Variants in ZNF385B observed in about 807,000 individuals in gnomAD.
The protein encoded by ZNF385B is zinc finger protein 385B.
ZNF385B carries 23 observed loss-of-function variants against 39.2 expected under a neutral mutation model. The observed-to-expected ratio is 0.59, with a 90% CI of 0.42 to 0.83. The LOEUF (loss-of-function observed/expected upper bound fraction) is 0.83, where lower values mean the gene tolerates loss of function less well. Among genes scored for constraint, ZNF385B ranks in the 40% least tolerant of loss-of-function variants. The pLI is 0.00. For missense variants in ZNF385B, 552 were observed against 598.9 expected, an observed-to-expected ratio of 0.92 and a Z score of 0.82; for synonymous variants, 205 against 222.6, an observed-to-expected ratio of 0.92 and a Z score of 0.70.
rs574428889 is a variant in ZNF385B at position 179,754,151 on chromosome 2, G to T, written c.298+15352C>A. 2.0e-5 allele frequency among the ~76,000 whole-genome samples: 3 copies of T among 152,260 alleles called. No individual in the cohort carries two copies. In the South Asian group the frequency reaches 6.2e-4, roughly 32 times the overall value. On this transcript the variant is annotated intron_variant, in intron 3 of 9. Coordinates refer to ENST00000410066, the MANE Select transcript of ZNF385B (RefSeq NM_152520.6). The stretch of plus-strand genomic sequence containing the variant: ...AGAGTTTTTAGCATGAAGGGCTGTC[G>T]AATTTTGTCAAAGGCCTTTTCTGCA...
rs1019988414 is a variant in ZNF385B, at chr2:179,556,127, A to G, written c.299-11158T>C. Among the ~76,000 whole-genome samples the G allele has an allele frequency of 2.7e-5, 4 of 148,444 alleles. 1 individual carries two copies. Among genetic ancestry groups the G allele is most frequent in the African/African-American group, 7.7e-5 (3 of 39,030 alleles). The stretch of plus-strand genomic sequence containing the variant: ...TTTTCAGATGCTGTGGCAATAGAAT[A>G]TGTACAGCCAAGTGGTGATTCATTT... On this transcript the variant is annotated intron_variant, in intron 3 of 9. Coordinates refer to ENST00000410066, the MANE Select transcript of ZNF385B (RefSeq NM_152520.6).
At chr2:179,611,234 A>C (rs1689262607) in intron 3 of ZNF385B, among the ~76,000 whole-genome samples, 1 of 152,066 alleles carries the variant, frequency 6.6e-6, no homozygotes, top group African/African-American at 2.4e-5. Context: ...CAGTTTTTTG[A>C]AGGTTTCTAT....
At chr2:179,808,310 G>A (rs980178670) in intron 1 of ZNF385B, among the ~76,000 whole-genome samples, 5 of 152,202 alleles carry the variant, frequency 3.3e-5, no homozygotes, top group African/African-American at 1.2e-4. Context: ...GGGATTACAG[G>A]CGTGAGCCAC....
intron 1 of ZNF385B, among the ~76,000 whole-genome samples, chr2:179,841,886 G>T (rs1196848071): frequency 6.6e-6 from 1 of 152,166 alleles, no homozygotes; most frequent in Non-Finnish European, 1.5e-5. Context: ...GGCAATGGAC[G>T]CCTGAGAGGA....
chr2:179,443,342 A>G lies in ZNF385B; in HGVS notation c.1369T>C (p.Phe457Leu). ...GCTGGAGGAATGGCTGGAGCCTGGA[A>G]GAGCGAGGCAGAGGGCCGGGGTGGG... ...SLPPRPSASLFQAPAIPPALL... is the reference protein window; with the variant it reads ...SLPPRPSASLLQAPAIPPALL... The change falls in exon 10 of 10, where the codon TTC (phenylalanine) becomes CTC (leucine). Residue 457 changes from phenylalanine to leucine, a missense_variant. Physicochemically the swap from Phe to Leu is conservative, Grantham distance 22. Transcript: ENST00000410066. 8 of 1,612,558 alleles carry G rather than the reference A, an allele frequency of 5.0e-6. No homozygotes were observed. Among genetic ancestry groups the G allele is most frequent in the Non-Finnish European group, 6.8e-6 (8 of 1,179,504 alleles).
At chr2:179,567,870 A>G (rs998950057) in intron 3 of ZNF385B, among the ~76,000 whole-genome samples, 4 of 152,128 alleles carry the variant, frequency 2.6e-5, no homozygotes, top group African/African-American at 4.8e-5. Context: ...CGAGACACCA[A>G]CATTTGTCTG....
At chr2:179,840,996 T>C (rs1358202306) in intron 1 of ZNF385B, among the ~76,000 whole-genome samples, 1 of 152,244 alleles carries the variant, frequency 6.6e-6, no homozygotes, top group Non-Finnish European at 1.5e-5. Context: ...AGAAAGCCTA[T>C]TAACATCTCC....
intron 3 of ZNF385B, among the ~76,000 whole-genome samples, chr2:179,584,404 C>T (rs1014276184): frequency 1.3e-5 from 2 of 152,172 alleles, no homozygotes; most frequent in East Asian, 3.9e-4. Context: ...AAAAGAAAGA[C>T]GGGCATCGAA....
intron 3 of ZNF385B, among the ~76,000 whole-genome samples, chr2:179,629,699 A>G (rs550234043): frequency 6.6e-6 from 1 of 152,316 alleles, no homozygotes; most frequent in South Asian, 2.1e-4. Context: ...AGGATGAGCC[A>G]AAGCAGGGTG....
chr2:179,675,092 T>C (rs1696570458), intron 3 of ZNF385B, among the ~76,000 whole-genome samples: 1 of 152,224 alleles, frequency 6.6e-6, no homozygotes, highest in Non-Finnish European at 1.5e-5. Flanking sequence ...AATAGTCTAC[T>C]GTTGACCAAA....
At chr2:179,576,263 C>T (rs972955696) in intron 3 of ZNF385B, 8 of 829,482 alleles carry the variant, frequency 9.6e-6, no homozygotes, top group East Asian at 1.2e-4. Context: ...GCCAGATCAA[C>T]GTATCTAAAA....
At chr2:179,512,142 T>G (rs2057733593) in intron 5 of ZNF385B, among the ~76,000 whole-genome samples, 1 of 152,104 alleles carries the variant, frequency 6.6e-6, no homozygotes, top group Admixed American at 6.6e-5. Context: ...AAAACTTGAC[T>G]AAAAAGATCA....
At chr2:179,730,277 C>T (rs1701305879) in intron 3 of ZNF385B, among the ~76,000 whole-genome samples, 1 of 152,138 alleles carries the variant, frequency 6.6e-6, no homozygotes, top group Non-Finnish European at 1.5e-5. Context: ...ATATTACCAC[C>T]ACCTGTGAAG....
At chr2:179,690,216 A>G (rs1236342203) in intron 3 of ZNF385B, among the ~76,000 whole-genome samples, 1 of 151,908 alleles carries the variant, frequency 6.6e-6, no homozygotes, top group Non-Finnish European at 1.5e-5. Flanking sequence ...GACAGAGGGG[A>G]AAAAAAAGAG....
At chr2:179,527,223 C>T (rs748522005) in intron 4 of ZNF385B, among the ~76,000 whole-genome samples, 14 of 152,160 alleles carry the variant, frequency 9.2e-5, no homozygotes, top group Non-Finnish European at 1.8e-4. Flanking sequence ...TCCTTAATGG[C>T]AGTATATATT....
intron 5 of ZNF385B, among the ~76,000 whole-genome samples, chr2:179,505,110 G>C (rs564910282): frequency 6.6e-6 from 1 of 152,100 alleles, no homozygotes; most frequent in Non-Finnish European, 1.5e-5. Context: ...GTTGAATACA[G>C]AGGGCCGCAG....
In ZNF385B at chr2:179,681,139, T is replaced by C. The variant is rs946173591; in HGVS notation, c.298+88364A>G. On this transcript the variant is annotated intron_variant, in intron 3 of 9. Coordinates refer to ENST00000410066, the MANE Select transcript of ZNF385B (RefSeq NM_152520.6). ...TAGACTCATTGTGAGTCTTCAAAAC[T>C]GGCATTGATATTTTCTCCTAAACCT... Among the ~76,000 whole-genome samples the C allele has an allele frequency of 2.6e-5, 4 of 151,398 alleles. No individual in the cohort carries two copies. In the South Asian group the frequency reaches 6.3e-4, roughly 24 times the overall value.
intron 3 of ZNF385B, among the ~76,000 whole-genome samples, chr2:179,556,764 G>A (rs1423598409): frequency 2.7e-5 from 4 of 149,198 alleles, no homozygotes; most frequent in South Asian, 2.2e-4. Flanking sequence ...GAGGAACTAC[G>A]TGTTGTCTCT....
chr2:179,595,575 A>T (rs1312094915), intron 3 of ZNF385B, among the ~76,000 whole-genome samples: 1 of 151,702 alleles, frequency 6.6e-6, no homozygotes, highest in Non-Finnish European at 1.5e-5. Flanking sequence ...TTTAGAAGTC[A>T]TATCTAGAAA....
Sources: allele counts gnomAD v4.1 joint callset (sites outside exome capture counted in the v4.1 genomes callset), GRCh38; gene constraint gnomAD v4.1.1; transcripts MANE v1.5; gene names NCBI Gene and HGNC (gene_info 2026-07-23, HGNC 2026-07-21).